The following DYNC2I1 variants were observed in gnomAD, a reference collection of about 807,000 sequenced individuals.
DYNC2I1 encodes cytoplasmic dynein 2 intermediate chain 1.
In DYNC2I1, 89 loss-of-function variants were observed where a neutral mutation model predicts 133.4. That is an observed-to-expected ratio of 0.67 (90% confidence interval 0.56 to 0.80). DYNC2I1 has a LOEUF of 0.80. DYNC2I1 is among the 30% of genes least tolerant of loss of function. DYNC2I1 has a pLI of 0.00. For synonymous variants in DYNC2I1, 504 were observed against 484.3 expected (o/e 1.04, Z -0.54); for missense variants, 1,291 against 1,314.5 (o/e 0.98, Z 0.28).
intron 1 of DYNC2I1, among the ~76,000 whole-genome samples, chr7:158,859,720 C>T (rs978982790): frequency 2.6e-5 from 4 of 152,030 alleles, no homozygotes; most frequent in African/African-American, 9.7e-5. Flanking sequence ...CCAGGCTGGT[C>T]TTGATCCGCC....
At chr7:158,839,719 C>T in the DYNC2I1 span, among the ~76,000 whole-genome samples, 1 of 151,978 alleles carries the variant, frequency 6.6e-6, no homozygotes, top group African/African-American at 2.4e-5. Context: ...ACTCGGGAGG[C>T]TGAGGCAGGA....
chr7:158,886,984 A>G (rs1844669428), intron 6 of DYNC2I1, 37 bp from the exon 7 acceptor site: 1 of 1,588,482 alleles, frequency 6.3e-7, no homozygotes, highest in Admixed American at 1.7e-5. Flanking sequence ...GCTCTCATTT[A>G]AAGTAAGTTT....
intron 23 of DYNC2I1, among the ~76,000 whole-genome samples, chr7:158,936,758 A>G (rs866898687): frequency 3.3e-5 from 5 of 152,210 alleles, no homozygotes; most frequent in Admixed American, 6.5e-5. Flanking sequence ...AAACCCTGAC[A>G]CAGGCAGGGA....
chr7:158,870,096 A>C (rs778304638), intron 2 of DYNC2I1, among the ~76,000 whole-genome samples, 188 bp downstream of exon 2: 2 of 152,040 alleles, frequency 1.3e-5, no homozygotes, highest in Non-Finnish European at 2.9e-5. Flanking sequence ...CCAGCTGGAC[A>C]CTCCCACTGC....
intron 15 of DYNC2I1, among the ~76,000 whole-genome samples, chr7:158,920,332 CCAT>C (rs1157281140): frequency 2.0e-5 from 3 of 151,158 alleles, no homozygotes; most frequent in Non-Finnish European, 4.4e-5. Context: ...CGCCGGGCCT[CCAT>C]CAGGGAACAC....
chr7:158,935,641 A>C (rs1213279423), intron 23 of DYNC2I1, among the ~76,000 whole-genome samples: 1 of 152,224 alleles, frequency 6.6e-6, no homozygotes, highest in East Asian at 1.9e-4. Context: ...CAAAGACTGC[A>C]TTTGAGCTGC....
At chr7:158,855,579 C>T (rs1445778597), upstream of DYNC2I1, among the ~76,000 whole-genome samples, 2 of 152,172 alleles carry the variant, frequency 1.3e-5, no homozygotes, top group Non-Finnish European at 2.9e-5. Flanking sequence ...GGGCTGTTAC[C>T]GTCTGTGTTT....
intron 17 of DYNC2I1, among the ~76,000 whole-genome samples, chr7:158,924,603 C>T (rs71547591): frequency 0.12 from 17,777 of 152,186 alleles, 1,355 homozygotes; most frequent in Non-Finnish European, 0.16. Flanking sequence ...TTATGGGTTG[C>T]GATGCTATTT....
At chr7:158,954,172 T>G (rs888490564) in intron 4 of DYNC2I1, among the ~76,000 whole-genome samples, 5 of 152,180 alleles carry the variant, frequency 3.3e-5, no homozygotes, top group African/African-American at 9.7e-5. Flanking sequence ...CTCCTTTGCC[T>G]TTGGCCATGA....
chr7:158,918,946 T>G, intron 15 of DYNC2I1, 77 bp downstream of exon 15: 1 of 1,430,730 alleles, frequency 7.0e-7, no homozygotes, highest in Non-Finnish European at 9.4e-7. Flanking sequence ...TGTAGTATAA[T>G]ATTTTATTTT....
chr7:158,943,901 G>A (rs78238019), intron 24 of DYNC2I1, among the ~76,000 whole-genome samples: 1 of 152,156 alleles, frequency 6.6e-6, no homozygotes, highest in Non-Finnish European at 1.5e-5. Context: ...TCAGGAAGGA[G>A]GCGGCAGCCC....
In DYNC2I1 at chr7:158,871,326, A is replaced by G. The variant is rs1366936890; in HGVS notation, c.254A>G (p.Asp85Gly). 1 of 1,557,924 alleles carries G rather than the reference A, an allele frequency of 6.4e-7. No individual in the cohort carries two copies. The highest frequency in any genetic ancestry group is 8.7e-7 in the Non-Finnish European group (1 of 1,150,254). ...TAKESPRGERDRDRQRERRRD... is the reference protein window; with the variant it reads ...TAKESPRGERGRDRQRERRRD... ...AAGGAGAGTCCTCGTGGGGAGAGGG[A>G]CAGAGACAGACAGAGGGAGAGGAGA... Residue 85 changes from aspartate to glycine, a missense_variant, in exon 3 of 25, where the codon GAC becomes GGC. By Grantham distance (94) the Asp-to-Gly change is moderately conservative (BLOSUM62 -1). Transcript: ENST00000407559.
chr7:158,884,539 A>G (rs912000621), intron 5 of DYNC2I1, 25 bp from the exon 6 acceptor site: 19 of 1,605,578 alleles, frequency 1.2e-5, no homozygotes, highest in Non-Finnish European at 1.6e-5. Context: ...ATAAATGGTT[A>G]TGGGATTATA....
intron 20 of DYNC2I1, among the ~76,000 whole-genome samples, chr7:158,929,413 C>CG (rs1410658121): frequency 6.7e-6 from 1 of 149,646 alleles, no homozygotes; most frequent in Non-Finnish European, 1.5e-5. Context: ...TGCCCGTGGG[C>CG]GGTGGCGTGT....
intron 23 of DYNC2I1, among the ~76,000 whole-genome samples, chr7:158,939,207 A>T (rs1177812396): frequency 6.6e-6 from 1 of 151,958 alleles, no homozygotes. Context: ...AGGTGGGAAG[A>T]TTGCTTGAGT....
At chr7:158,902,282 TTTAAG>T in intron 9 of DYNC2I1, 89 bp from the exon 10 acceptor site, 1 of 1,032,854 alleles carries the variant, frequency 9.7e-7, no homozygotes, top group Non-Finnish European at 1.4e-6. Context: ...CATTGTCTGT[TTTAAG>T]TTATAAAGTG....
At chr7:158,850,056 C>T in the DYNC2I1 span, among the ~76,000 whole-genome samples, 215 of 152,338 alleles carry the variant, frequency 1.4e-3, no homozygotes, top group African/African-American at 4.5e-3. Context: ...TTGGAGCAGG[C>T]GCTAGGAGCA....
At chr7:158,907,273 CTTTTTTTTTTTTTT>C (rs36062364) in intron 11 of DYNC2I1, among the ~76,000 whole-genome samples, 14 of 99,724 alleles carry the variant, frequency 1.4e-4, no homozygotes, top group Admixed American at 3.2e-4. Flanking sequence ...CCATGGCCTT[CTTTTTTTTTTTTTT>C]TTTTTTTTTT....
intron 7 of DYNC2I1, among the ~76,000 whole-genome samples, chr7:158,889,445 AT>A (rs1010815084): frequency 6.6e-6 from 1 of 151,580 alleles, no homozygotes; most frequent in Non-Finnish European, 1.5e-5. Flanking sequence ...GATCTACCGC[AT>A]TTTTTTTGTG....
Sources: gnomAD v4.1 joint callset for allele counts (sites outside exome capture counted in the v4.1 genomes callset) on GRCh38, gnomAD v4.1.1 for gene constraint, MANE v1.5 for transcripts, NCBI Gene and HGNC (gene_info 2026-07-23, HGNC 2026-07-21) for gene names.